Variants in NXPE2 observed in about 807,000 individuals in gnomAD.
NXPE2 encodes neurexophilin and PC-esterase domain family member 2.
Under a neutral mutation model 34.4 loss-of-function variants are expected in NXPE2, and 34 were observed. The observed-to-expected ratio is 0.99, with a 90% CI of 0.75 to 1.31. The LOEUF is 1.31. Ranked by LOEUF, NXPE2 falls within the 40% of genes most tolerant of loss-of-function variation. The pLI, the probability that NXPE2 is intolerant of heterozygous loss-of-function variation, is 0.00. For synonymous variants in NXPE2, 235 were observed against 231.3 expected (o/e 1.02, Z -0.15); for missense variants, 649 against 672.5 (o/e 0.97, Z 0.39).
At chr11:114,789,310 CTTT>C in the NXPE2 span, among the ~76,000 whole-genome samples, 49,176 of 151,862 alleles carry the variant, frequency 0.32, 9,087 homozygotes, top group Non-Finnish European at 0.41. Context: ...CTATATATAA[CTTT>C]TTATTTGTCC....
the NXPE2 span, among the ~76,000 whole-genome samples, chr11:114,725,972 A>T: frequency 3.5e-3 from 50 of 14,220 alleles, no homozygotes; most frequent in African/African-American, 6.0e-3. Context: ...TATAATAAAA[A>T]AAAAATATAT....
chr11:114,687,563 T>C (rs1951071564), intron 2 of NXPE2, among the ~76,000 whole-genome samples: 3 of 152,072 alleles, frequency 2.0e-5, no homozygotes, highest in Admixed American at 2.0e-4. Flanking sequence ...ACTAGCTGTA[T>C]TCTTTTTTGC....
chr11:114,607,063 C>A, the NXPE2 span, among the ~76,000 whole-genome samples: 4 of 151,882 alleles, frequency 2.6e-5, no homozygotes, highest in East Asian at 3.9e-4. Flanking sequence ...TCGTGGGTAA[C>A]CACTGTTACC....
At chr11:114,703,472 C>G (rs1419246413) in intron 3 of NXPE2, among the ~76,000 whole-genome samples, 1 of 152,128 alleles carries the variant, frequency 6.6e-6, no homozygotes, top group Non-Finnish European at 1.5e-5. Context: ...ATCAGAAATT[C>G]TGGGTGTGAG....
At chr11:114,792,893 T>G in the NXPE2 span, among the ~76,000 whole-genome samples, 1 of 152,224 alleles carries the variant, frequency 6.6e-6, no homozygotes, top group Non-Finnish European at 1.5e-5. Context: ...AAGTCTATGC[T>G]CTAACCACTA....
chr11:114,549,262 C>T, the NXPE2 span, among the ~76,000 whole-genome samples: 1 of 151,950 alleles, frequency 6.6e-6, no homozygotes, highest in Non-Finnish European at 1.5e-5. Context: ...GCTTCCAAAT[C>T]AATTCTTACG....
In NXPE2 at chr11:114,698,170, C is replaced by T. The variant is rs1295852024; in HGVS notation, c.258C>T (p.Asp86=). The T allele has an allele frequency of 6.2e-7, 1 of 1,614,176 alleles. No individual in the cohort carries two copies. Among genetic ancestry groups the T allele is most frequent in the Non-Finnish European group, 8.5e-7 (1 of 1,180,000 alleles). The change falls in exon 3 of 6, where the codon GAC becomes GAT. Residue 86 remains aspartate (D), a synonymous_variant. Coordinates refer to ENST00000389586, the MANE Select transcript of NXPE2 (RefSeq NM_182495.6). The part of the protein sequence containing the change: ...SPKETELRIK[D]IMEKLDQQIP... ...AAGAGACTGAACTTAGAATAAAGGA[C>T]ATTATGGAGAAACTAGACCAGCAGA...
chr11:114,706,851 C>G lies in NXPE2; in HGVS notation c.1601C>G (p.Ala534Gly). 6.4e-7 allele frequency: 1 copy of G among 1,551,818 alleles called. No individual in the cohort carries two copies. Among genetic ancestry groups the G allele is most frequent in the Non-Finnish European group, 8.7e-7 (1 of 1,146,798 alleles). ...ATTGATGCCTGGGACATGACGATTG[C>G]ATATTGCACCAACAATGCCCATCCA... ...GIIDAWDMTI[A>G]YCTNNAHPPD... Residue 534 changes from alanine (A) to glycine (G), a missense_variant, in exon 6 of 6, where the codon GCA becomes GGA. Coordinates refer to ENST00000389586, the MANE Select transcript of NXPE2 (RefSeq NM_182495.6).
the NXPE2 span, among the ~76,000 whole-genome samples, chr11:114,509,431 A>G: frequency 1.3e-5 from 2 of 152,206 alleles, no homozygotes; most frequent in Non-Finnish European, 2.9e-5. Flanking sequence ...GTGTATACCC[A>G]AAGGAATATA....
At chr11:114,628,509 A>G in the NXPE2 span, among the ~76,000 whole-genome samples, 2 of 151,960 alleles carry the variant, frequency 1.3e-5, no homozygotes, top group African/African-American at 4.8e-5. Flanking sequence ...TCTCTGGGAC[A>G]CATTCAAAGC....
downstream of NXPE2, among the ~76,000 whole-genome samples, chr11:114,711,986 C>T (rs995044122): frequency 6.6e-6 from 1 of 152,084 alleles, no homozygotes; most frequent in African/African-American, 2.4e-5. Context: ...TGTGCCACAA[C>T]TACACAGTAG....
chr11:114,665,547 A>C, the NXPE2 span, among the ~76,000 whole-genome samples: 3 of 152,212 alleles, frequency 2.0e-5, no homozygotes, highest in African/African-American at 7.2e-5. Flanking sequence ...ACCTTTTAAA[A>C]TATTTCAACA....
rs1228775539 is a variant in NXPE2 at position 114,697,926 on chromosome 11, C to T, written c.133-119C>T. On this transcript the variant is annotated intron_variant, in intron 2 of 5. Coordinates refer to ENST00000389586, the MANE Select transcript of NXPE2 (RefSeq NM_182495.6). Reference sequence around the variant, plus strand: ...TCCATAACTGAAAACCAGTTAGTATCGATTTTTGATATTTAATTTATCACA... The same window carrying T: ...TCCATAACTGAAAACCAGTTAGTATTGATTTTTGATATTTAATTTATCACA... 11 of 1,008,568 alleles carry T rather than the reference C, an allele frequency of 1.1e-5. No individual in the cohort carries two copies. The East Asian group carries it at 1.4e-4, about 13-fold the overall frequency. 62.5% of individuals were successfully genotyped at this position (1,008,568 alleles called of 1,614,324 possible).
the NXPE2 span, among the ~76,000 whole-genome samples, chr11:114,634,687 G>A: frequency 6.6e-6 from 1 of 152,034 alleles, no homozygotes; most frequent in Non-Finnish European, 1.5e-5. Context: ...CATATCGCTA[G>A]TTGGTTTTCC....
the NXPE2 span, among the ~76,000 whole-genome samples, chr11:114,778,038 T>C: frequency 8.5e-5 from 13 of 152,306 alleles, no homozygotes; most frequent in Admixed American, 6.5e-4. Context: ...ACAATTCTGA[T>C]GTGTGTTTCA....
chr11:114,717,440 G>A, the NXPE2 span, among the ~76,000 whole-genome samples: 15 of 152,258 alleles, frequency 9.9e-5, no homozygotes, highest in East Asian at 1.7e-3. Flanking sequence ...GATACAAGTC[G>A]TCTCCAGCAC....
the NXPE2 span, among the ~76,000 whole-genome samples, chr11:114,485,566 C>A: frequency 6.6e-6 from 1 of 151,994 alleles, no homozygotes; most frequent in East Asian, 1.9e-4. Context: ...TTATTGTTGA[C>A]TATAGTCACC....
At chr11:114,725,166 T>G in the NXPE2 span, among the ~76,000 whole-genome samples, 1 of 152,234 alleles carries the variant, frequency 6.6e-6, no homozygotes, top group Non-Finnish European at 1.5e-5. Context: ...GCGAAGATAC[T>G]CTATATTAAC....
chr11:114,510,299 T>A, the NXPE2 span, among the ~76,000 whole-genome samples: 1 of 152,292 alleles, frequency 6.6e-6, no homozygotes, highest in East Asian at 1.9e-4. Flanking sequence ...GTGATCATAG[T>A]CATAGCTCAC....
Sources: gnomAD v4.1 joint callset for allele counts (sites outside exome capture counted in the v4.1 genomes callset) on GRCh38, gnomAD v4.1.1 for gene constraint, MANE v1.5 for transcripts, NCBI Gene and HGNC (gene_info 2026-07-23, HGNC 2026-07-21) for gene names.